MEI4: variants seen among roughly 807,000 people sequenced by gnomAD.
MEI4 encodes meiosis-specific protein MEI4.
In MEI4, 27 loss-of-function variants were observed where a neutral mutation model predicts 31.4. The observed-to-expected ratio is 0.86, with a 90% CI of 0.63 to 1.19. The LOEUF (loss-of-function observed/expected upper bound fraction) is 1.19, where lower values mean the gene tolerates loss of function less well. Among genes scored for constraint, MEI4 ranks in the 50% most tolerant of loss-of-function variants. MEI4 has a pLI of 0.00. For synonymous variants in MEI4, 122 were observed against 145.4 expected (o/e 0.84, Z 1.16); for missense variants, 329 against 398.9 (o/e 0.82, Z 1.49).
intron 4 of MEI4, among the ~76,000 whole-genome samples, chr6:77,877,313 T>C (rs1771365794): frequency 6.6e-6 from 1 of 152,006 alleles, no homozygotes; most frequent in South Asian, 2.1e-4. Context: ...CATATGATTG[T>C]TTATATTTTT....
chr6:77,880,221 GT>G (rs1023533852), intron 4 of MEI4, among the ~76,000 whole-genome samples: 2 of 143,342 alleles, frequency 1.4e-5, no homozygotes, highest in Non-Finnish European at 1.5e-5. Flanking sequence ...TTATTGTGGG[GT>G]TTTTTTTGTT....
chr6:77,805,778 T>C (rs1769415686), intron 3 of MEI4, among the ~76,000 whole-genome samples: 1 of 152,070 alleles, frequency 6.6e-6, no homozygotes, highest in African/African-American at 2.4e-5. Context: ...ACATAGATAA[T>C]TTTTGCTGTT....
At chr6:77,849,162 C>G (rs544683883) in intron 4 of MEI4, among the ~76,000 whole-genome samples, 1 of 151,448 alleles carries the variant, frequency 6.6e-6, no homozygotes, top group Admixed American at 6.6e-5. Context: ...TATATATTAA[C>G]CTAAAAATAA....
chr6:77,920,312 G>C (rs572457813), intron 4 of MEI4, among the ~76,000 whole-genome samples: 83 of 152,136 alleles, frequency 5.5e-4, no homozygotes, highest in African/African-American at 1.9e-3. Context: ...TGATCAAGTG[G>C]GCTTCATCCG....
At chr6:77,766,849 AG>A in intron 3 of MEI4, among the ~76,000 whole-genome samples, 1 of 152,242 alleles carries the variant, frequency 6.6e-6, no homozygotes, top group South Asian at 2.1e-4. Context: ...AATTCTACTC[AG>A]GTAGCAGTGT....
In MEI4 at chr6:77,761,810, T is replaced by C. The variant is rs1005615044; in HGVS notation, c.768+145T>C. 7 of 467,640 alleles carry C rather than the reference T, an allele frequency of 1.5e-5. No homozygotes were observed. In the Admixed American group the frequency reaches 2.6e-4, roughly 18 times the overall value. 29.0% of individuals were successfully genotyped at this position (467,640 alleles called of 1,614,324 possible). On this transcript the variant is annotated intron_variant, in intron 3 of 4. Coordinates refer to ENST00000684080, the MANE Select transcript of MEI4 (RefSeq NM_001322247.2). ...TTTCTGCAGCTGTCTGCAGCTCTTA[T>C]CTGTCATGATGTCTCCACTTCTAGC...
intron 4 of MEI4, among the ~76,000 whole-genome samples, chr6:77,920,606 G>A (rs1452621225): frequency 6.6e-6 from 1 of 151,752 alleles, no homozygotes; most frequent in Non-Finnish European, 1.5e-5. Flanking sequence ...CCTTCCGGAA[G>A]GTTTCCAATT....
chr6:77,869,668 A>G (rs1209289221), intron 4 of MEI4, among the ~76,000 whole-genome samples: 2 of 152,150 alleles, frequency 1.3e-5, no homozygotes, highest in Non-Finnish European at 2.9e-5. Flanking sequence ...ATATTTTGCT[A>G]TAGTGGTCCT....
chr6:77,823,094 C>T (rs933344355), intron 3 of MEI4, among the ~76,000 whole-genome samples: 3 of 152,028 alleles, frequency 2.0e-5, no homozygotes, highest in African/African-American at 7.2e-5. Flanking sequence ...TTGTCCTATT[C>T]TTTAGAATTA....
chr6:77,830,651 G>T (rs1171568079), intron 4 of MEI4, among the ~76,000 whole-genome samples: 1 of 151,994 alleles, frequency 6.6e-6, no homozygotes, highest in African/African-American at 2.4e-5. Context: ...TTTTGCATTG[G>T]CCAAAGGGCA....
At chr6:77,711,720 C>A (rs1052733517) in intron 2 of MEI4, among the ~76,000 whole-genome samples, 1 of 152,150 alleles carries the variant, frequency 6.6e-6, no homozygotes, top group African/African-American at 2.4e-5. Flanking sequence ...TTGATTCCAA[C>A]CCCCTTTTTT....
At chr6:77,804,361 C>A (rs991152335) in intron 3 of MEI4, among the ~76,000 whole-genome samples, 11 of 152,260 alleles carry the variant, frequency 7.2e-5, no homozygotes, top group Admixed American at 6.5e-4. Context: ...TCACCCCTTT[C>A]TTTGATTAGG....
chr6:77,855,300 G>A (rs935833134), intron 4 of MEI4, among the ~76,000 whole-genome samples: 7 of 152,054 alleles, frequency 4.6e-5, no homozygotes, highest in African/African-American at 9.6e-5. Context: ...AGCCGAGATC[G>A]TGCCACTGCA....
intron 4 of MEI4, among the ~76,000 whole-genome samples, chr6:77,888,334 C>CT (rs59851856): frequency 0.48 from 68,141 of 142,618 alleles, 16,741 homozygotes; most frequent in East Asian, 0.65. Context: ...TATCCTTTTT[C>CT]TTTTTTTTTT....
chr6:77,824,794 C>G (rs956089380), intron 3 of MEI4, among the ~76,000 whole-genome samples: 1 of 152,112 alleles, frequency 6.6e-6, no homozygotes, highest in African/African-American at 2.4e-5. Flanking sequence ...GATGTAGTAT[C>G]CAACTCTTTT....
At chr6:77,802,606 C>T (rs1582162970) in intron 3 of MEI4, among the ~76,000 whole-genome samples, 1 of 152,116 alleles carries the variant, frequency 6.6e-6, no homozygotes, top group Non-Finnish European at 1.5e-5. Flanking sequence ...CAGTGGCTGG[C>T]ACCAGTTGTT....
In MEI4 at chr6:77,671,118, C is replaced by T. The variant is rs1473740621; in HGVS notation, c.-15+18026C>T. 5.2e-5 allele frequency among the ~76,000 whole-genome samples: 7 copies of T among 135,790 alleles called. No individual in the cohort carries two copies. The South Asian group carries it at 6.9e-4, about 13-fold the overall frequency. 89.1% of individuals were successfully genotyped at this position (135,790 alleles called of 152,430 possible). On this transcript the variant is annotated intron_variant, in intron 1 of 4. Transcript: ENST00000684080. ...TGTCACCCAGGCTGGAGTGCAGTGG[C>T]GCAATCTCAGCTCACTGCAACCTCC...
At chr6:77,826,134 T>G (rs1351740321) in intron 3 of MEI4, among the ~76,000 whole-genome samples, 6 of 152,230 alleles carry the variant, frequency 3.9e-5, no homozygotes, top group African/African-American at 1.4e-4. Flanking sequence ...TTGTTTATAC[T>G]AAGGCTACTT....
intron 1 of MEI4, among the ~76,000 whole-genome samples, chr6:77,687,989 C>G (rs967741074): frequency 6.6e-6 from 1 of 152,108 alleles, no homozygotes; most frequent in Admixed American, 6.6e-5. Context: ...TTTGGTCTTT[C>G]TGGCAACTAA....
Sources: allele counts gnomAD v4.1 joint callset (sites outside exome capture counted in the v4.1 genomes callset), GRCh38; gene constraint gnomAD v4.1.1; transcripts MANE v1.5; gene names NCBI Gene and HGNC (gene_info 2026-07-23, HGNC 2026-07-21).